The following FBN2 variants were observed in gnomAD, a reference collection of about 807,000 sequenced individuals.
FBN2 encodes the protein fibrillin 2.
Under a neutral mutation model 355.6 loss-of-function variants are expected in FBN2, and 105 were observed. The ratio of observed to expected loss-of-function variants is 0.30; its 90% CI spans 0.25 to 0.35. The LOEUF (loss-of-function observed/expected upper bound fraction) is 0.35. Among genes scored for constraint, FBN2 ranks in the 10% least tolerant of loss-of-function variants. The pLI, the probability that FBN2 is intolerant of heterozygous loss-of-function variation, is 1.00. For synonymous variants in FBN2, 1,350 were observed against 1,301.2 expected (o/e 1.04, Z -0.81); for missense variants, 3,280 against 3,758.7 (o/e 0.87, Z 3.33).
intron 18 of FBN2, among the ~76,000 whole-genome samples, chr5:128,362,344 A>G (rs1376774925): frequency 2.0e-5 from 3 of 152,196 alleles, no homozygotes; most frequent in African/African-American, 7.2e-5. Flanking sequence ...TTTTCCCACT[A>G]TGTTTTTATC....
At chr5:128,280,133 A>C in intron 56 of FBN2, 59 bp downstream of exon 56, 2 of 1,428,094 alleles carry the variant, frequency 1.4e-6, no homozygotes, top group Non-Finnish European at 2.0e-6. Context: ...CTCTTCTGTG[A>C]TGACATCATG....
At chr5:128,469,485 C>T (rs529516819) in intron 5 of FBN2, among the ~76,000 whole-genome samples, 4 of 148,024 alleles carry the variant, frequency 2.7e-5, no homozygotes, top group East Asian at 2.0e-4. Context: ...GAGCCAAGAT[C>T]GCACCACTGC....
At chr5:128,431,483 A>G (rs1753627470) in intron 7 of FBN2, among the ~76,000 whole-genome samples, 1 of 152,360 alleles carries the variant, frequency 6.6e-6, no homozygotes, top group Admixed American at 6.5e-5. Context: ...TACTGTCGCC[A>G]TAACTTTTGC....
At chr5:128,355,253 A>G (rs1176796690) in intron 20 of FBN2, among the ~76,000 whole-genome samples, 1 of 152,214 alleles carries the variant, frequency 6.6e-6, no homozygotes, top group Non-Finnish European at 1.5e-5. Flanking sequence ...CCATATATCC[A>G]TGCAAGTTGA....
At chr5:128,512,714 C>T (rs1276513530) in intron 5 of FBN2, among the ~76,000 whole-genome samples, 3 of 152,088 alleles carry the variant, frequency 2.0e-5, no homozygotes, top group Non-Finnish European at 4.4e-5. Flanking sequence ...AAAACATCAT[C>T]AAGCCTTATT....
At chr5:128,318,324 T>C (rs1336673781) in intron 35 of FBN2, 53 bp from the exon 36 acceptor site, 1 of 1,600,608 alleles carries the variant, frequency 6.2e-7, no homozygotes, top group Non-Finnish European at 8.6e-7. Flanking sequence ...TTTCTGTGCA[T>C]ACTGCTGTTC....
chr5:128,364,617 G>T lies in FBN2; in HGVS notation c.2411C>A (p.Ser804Tyr), dbSNP rs761288245. 2 of 1,613,594 alleles carry T rather than the reference G, an allele frequency of 1.2e-6. No homozygotes were observed. The highest frequency in any genetic ancestry group is 1.7e-6 in the Non-Finnish European group (2 of 1,179,672). ...NCNSGYEPDA[S>Y]GRNCIDIDEC... ...TAACTTACCAATACAGTTTCTTCCAGAGGCATCTGGTTCATAGCCACTGTT... is the reference window on the plus strand; with the variant it reads ...TAACTTACCAATACAGTTTCTTCCATAGGCATCTGGTTCATAGCCACTGTT... Residue 804 changes from serine to tyrosine, a missense_variant, in exon 18 of 65, where the codon TCT becomes TAT. Around this residue, in one of 6 missense-constraint regions of FBN2, gnomAD observed 2,284 missense variants for 2,749.5 expected, o/e 0.83. Coordinates refer to ENST00000262464, the MANE Select transcript of FBN2 (RefSeq NM_001999.4).
At chr5:128,385,800 G>T (rs913124186) in intron 11 of FBN2, among the ~76,000 whole-genome samples, 2 of 152,018 alleles carry the variant, frequency 1.3e-5, no homozygotes, top group African/African-American at 4.8e-5. Flanking sequence ...GTGGTGCTGA[G>T]CATTTTTTCA....
chr5:128,413,704 T>C (rs959641699), intron 7 of FBN2, among the ~76,000 whole-genome samples: 19 of 152,228 alleles, frequency 1.2e-4, no homozygotes, highest in African/African-American at 2.9e-4. Flanking sequence ...TCCATTCTTA[T>C]AGGTACATGT....
chr5:128,285,244 T>TA (rs1561747804), intron 55 of FBN2, among the ~76,000 whole-genome samples: 1 of 112,266 alleles, frequency 8.9e-6, no homozygotes, highest in East Asian at 2.8e-4. Flanking sequence ...TTTTTATTGA[T>TA]TTTTTTTGTG....
chr5:128,529,377 G>A (rs62390669), intron 3 of FBN2, among the ~76,000 whole-genome samples: 21,642 of 152,126 alleles, frequency 0.14, 1,582 homozygotes, highest in Non-Finnish European at 0.16. Flanking sequence ...AAAGTCAAGG[G>A]TGTTTCAAAG....
intron 14 of FBN2, among the ~76,000 whole-genome samples, chr5:128,376,289 A>C (rs1267778879): frequency 1.3e-5 from 2 of 152,218 alleles, no homozygotes; most frequent in African/African-American, 4.8e-5. Flanking sequence ...TTTTTAGATA[A>C]TGACACAGTT....
Position 128,263,582 on chromosome 5 carries a change from C to T in FBN2, c.8035G>A (p.Ala2679Thr), listed in dbSNP as rs763870762. 35 of 1,614,072 alleles carry T rather than the reference C, an allele frequency of 2.2e-5. No homozygotes were observed. The highest frequency in any genetic ancestry group is 1.0e-4 in the Admixed American group (6 of 60,004). The change falls in exon 63 of 65, where the codon GCC (alanine) becomes ACC (threonine). Residue 2679 changes from alanine (A) to threonine (T), a missense_variant. By Grantham distance (58) the Ala-to-Thr change is moderately conservative. This residue lies in a region of FBN2 where 311 missense variants were observed against 319.1 expected (regional missense o/e 0.97). Coordinates refer to ENST00000262464, the MANE Select transcript of FBN2 (RefSeq NM_001999.4). ...TCGAAGGAGAACCCCGAGGGGCAGG[C>T]GCACTTGTAACTCCCCAGGGTGTTG... ...CYNTLGSYKC[A>T]CPSGFSFDQF...
At chr5:128,470,823 G>C (rs904574530) in intron 5 of FBN2, among the ~76,000 whole-genome samples, 19 of 151,834 alleles carry the variant, frequency 1.3e-4, no homozygotes, top group African/African-American at 4.6e-4. Context: ...CAGTTACAGT[G>C]TACAACTGCA....
chr5:128,341,794 T>A (rs1164004299), intron 25 of FBN2, among the ~76,000 whole-genome samples: 1 of 152,220 alleles, frequency 6.6e-6, no homozygotes, highest in African/African-American at 2.4e-5. Flanking sequence ...TGAATGCTCT[T>A]CTCTGCCTTG....
chr5:128,319,094 C>T, intron 34 of FBN2, 93 bp from the exon 35 acceptor site: 2 of 1,044,628 alleles, frequency 1.9e-6, no homozygotes, highest in Non-Finnish European at 2.9e-6. Flanking sequence ...TCTGCCCCCT[C>T]AGATGTTTTT....
intron 7 of FBN2, among the ~76,000 whole-genome samples, chr5:128,437,537 C>T (rs894931565): frequency 2.0e-5 from 3 of 151,984 alleles, no homozygotes; most frequent in Admixed American, 1.3e-4. Context: ...GCCTCATAAC[C>T]ACCATGGGTA....
chr5:128,401,949 G>C (rs1047665615), intron 8 of FBN2, among the ~76,000 whole-genome samples: 1 of 152,088 alleles, frequency 6.6e-6, no homozygotes, highest in Non-Finnish European at 1.5e-5. Flanking sequence ...TCTACAATTA[G>C]CTTTTTCTAG....
intron 46 of FBN2, 26 bp downstream of exon 46, chr5:128,302,947 A>G (rs749974985): frequency 3.9e-5 from 46 of 1,167,934 alleles, no homozygotes; most frequent in South Asian, 2.9e-4. Context: ...AAATAGAAGC[A>G]ATAAAGGACT....
Sources: gnomAD v4.1 joint callset for allele counts (sites outside exome capture counted in the v4.1 genomes callset) on GRCh38, gnomAD v4.1.1 for gene constraint, gnomAD v4.1.1 regional missense constraint, MANE v1.5 for transcripts, NCBI Gene and HGNC (gene_info 2026-07-23, HGNC 2026-07-21) for gene names.